Variants in PDSS2 observed in about 807,000 individuals in gnomAD.
The protein encoded by PDSS2 is decaprenyl diphosphate synthase subunit 2, also known as all trans-polyprenyl-diphosphate synthase PDSS2.
A neutral mutation model predicts 44.5 loss-of-function variants in PDSS2; 31 were observed. The observed-to-expected ratio is 0.70, with a 90% CI of 0.52 to 0.94. The LOEUF is 0.94. Ranked by LOEUF, PDSS2 falls within the 40% of genes least tolerant of loss-of-function variation. The pLI, the probability that PDSS2 is intolerant of heterozygous loss-of-function variation, is 0.00. For missense variants in PDSS2, 452 were observed against 482.2 expected (o/e 0.94, Z 0.59); for synonymous variants, 157 against 180.3 (o/e 0.87, Z 1.03).
At chr6:107,376,996 A>C (rs1173537725) in intron 1 of PDSS2, among the ~76,000 whole-genome samples, 1 of 151,598 alleles carries the variant, frequency 6.6e-6, no homozygotes, top group Admixed American at 6.6e-5. Context: ...TTCATGTCTA[A>C]AACACCAAAA....
chr6:107,196,440 A>C (rs1023174735), intron 6 of PDSS2, among the ~76,000 whole-genome samples: 3 of 152,006 alleles, frequency 2.0e-5, no homozygotes, highest in Admixed American at 6.6e-5. Context: ...CTCGCAGCTG[A>C]CTCTTGAATT....
intron 2 of PDSS2, among the ~76,000 whole-genome samples, chr6:107,301,754 GAGTTTGAGACCAGCTTGACCA>G (rs1776701681): frequency 6.6e-6 from 1 of 151,968 alleles, no homozygotes; most frequent in African/African-American, 2.4e-5. Flanking sequence ...ACGAGGTCAA[GAGTTTGAGACCAGCTTGACCA>G]ACATGGTGAA....
intron 1 of PDSS2, among the ~76,000 whole-genome samples, chr6:107,413,436 T>C (rs561020739): frequency 6.6e-6 from 1 of 152,324 alleles, no homozygotes; most frequent in African/African-American, 2.4e-5. Flanking sequence ...CCTGGGAGGC[T>C]GAGGTGGGAG....
chr6:107,154,601 T>C lies in PDSS2; in HGVS notation c.*18A>G. The C allele has an allele frequency of 1.2e-6, 2 of 1,612,962 alleles. No homozygotes were observed. The highest frequency in any genetic ancestry group is 1.7e-6 in the Non-Finnish European group (2 of 1,178,984). On this transcript the variant is annotated 3_prime_UTR_variant, in exon 8 of 8. Transcript: ENST00000369037. ...AGGATTTTCAGCTAACTAACAATAGTGTCTTTTTAATTTGATGTCATGAAA... is the reference window on the plus strand; with the variant it reads ...AGGATTTTCAGCTAACTAACAATAGCGTCTTTTTAATTTGATGTCATGAAA...
At chr6:107,300,903 A>G (rs1460542772) in intron 2 of PDSS2, among the ~76,000 whole-genome samples, 1 of 152,210 alleles carries the variant, frequency 6.6e-6, no homozygotes, top group African/African-American at 2.4e-5. Flanking sequence ...CCCCCCCAAC[A>G]GAAAACTACT....
intron 7 of PDSS2, among the ~76,000 whole-genome samples, chr6:107,170,470 C>T (rs1771525491): frequency 6.6e-6 from 1 of 152,186 alleles, no homozygotes; most frequent in Non-Finnish European, 1.5e-5. Context: ...GCTCGGTGCA[C>T]TGCACCCACT....
In PDSS2 at chr6:107,449,871, C is replaced by T. The variant is rs1055204363; in HGVS notation, c.296+9119G>A. On this transcript the variant is annotated intron_variant, in intron 1 of 7. Coordinates refer to ENST00000369037, the MANE Select transcript of PDSS2 (RefSeq NM_020381.4). ...CAGGCATGAGCCACTGTGCCTGGTC[C>T]CTCCTTGTTTTTTAAGGCTGAATAA... Among the ~76,000 whole-genome samples, 6 of 152,068 alleles carry T rather than the reference C, an allele frequency of 3.9e-5. No individual in the cohort carries two copies. In the East Asian group the frequency reaches 9.6e-4, roughly 24 times the overall value.
At chr6:107,362,722 GC>G (rs772470560) in intron 1 of PDSS2, among the ~76,000 whole-genome samples, 4 of 152,118 alleles carry the variant, frequency 2.6e-5, no homozygotes, top group Non-Finnish European at 5.9e-5. Context: ...GATATTATAA[GC>G]AAAGGGTTCA....
At chr6:107,210,864 G>T (rs1056490003) in intron 5 of PDSS2, among the ~76,000 whole-genome samples, 1 of 151,274 alleles carries the variant, frequency 6.6e-6, no homozygotes, top group Non-Finnish European at 1.5e-5. Context: ...ATTGGGGGGG[G>T]TTTGCACACA....
intron 1 of PDSS2, among the ~76,000 whole-genome samples, chr6:107,454,469 T>C (rs982054335): frequency 1.3e-5 from 2 of 152,244 alleles, no homozygotes; most frequent in African/African-American, 2.4e-5. Flanking sequence ...ATGAGCTAAA[T>C]GCTCCTCTAT....
intron 1 of PDSS2, among the ~76,000 whole-genome samples, chr6:107,429,701 A>G (rs1781110097): frequency 6.6e-6 from 1 of 151,434 alleles, no homozygotes; most frequent in African/African-American, 2.4e-5. Flanking sequence ...CCTGACCAAC[A>G]TGGAGAAACC....
chr6:107,350,907 T>A (rs911469819), intron 1 of PDSS2, among the ~76,000 whole-genome samples: 3 of 152,026 alleles, frequency 2.0e-5, no homozygotes, highest in African/African-American at 7.2e-5. Flanking sequence ...CCACATTTAG[T>A]GAAATAATAA....
At chr6:107,420,015 G>C (rs1205277205) in intron 1 of PDSS2, among the ~76,000 whole-genome samples, 1 of 152,140 alleles carries the variant, frequency 6.6e-6, no homozygotes, top group Non-Finnish European at 1.5e-5. Flanking sequence ...CGAAGTCCCT[G>C]ACAACAGTGG....
intron 1 of PDSS2, among the ~76,000 whole-genome samples, chr6:107,362,879 A>C (rs776148536): frequency 6.6e-6 from 1 of 152,232 alleles, no homozygotes; most frequent in Non-Finnish European, 1.5e-5. Context: ...AAAGTTTAAT[A>C]ACTGAAATGA....
intron 1 of PDSS2, among the ~76,000 whole-genome samples, chr6:107,442,745 C>A (rs1451454931): frequency 1.3e-5 from 2 of 152,148 alleles, no homozygotes; most frequent in Non-Finnish European, 2.9e-5. Context: ...TATTCTTCTT[C>A]TGTTCTTTCA....
At chr6:107,375,348 TAAAG>T (rs980809752) in intron 1 of PDSS2, among the ~76,000 whole-genome samples, 12 of 151,916 alleles carry the variant, frequency 7.9e-5, no homozygotes, top group Admixed American at 3.9e-4. Flanking sequence ...GATTATGAAA[TAAAG>T]AAAGAAGACA....
In PDSS2 at chr6:107,361,806, C is replaced by T. The variant is rs959633840; in HGVS notation, c.297-27474G>A. 3.9e-5 allele frequency among the ~76,000 whole-genome samples: 6 copies of T among 152,310 alleles called. No individual in the cohort carries two copies. The South Asian group carries it at 1.2e-3, about 32-fold the overall frequency. ...TAATTTGAGCACTCTGCAATCCAAC[C>T]ACTTCATTAGAACTGCTGAACTTCA... On this transcript the variant is annotated intron_variant, in intron 1 of 7. Transcript: ENST00000369037.
chr6:107,397,080 C>A (rs1779971429), intron 1 of PDSS2, among the ~76,000 whole-genome samples: 1 of 151,866 alleles, frequency 6.6e-6, no homozygotes, highest in Non-Finnish European at 1.5e-5. Flanking sequence ...CTTCTATTTT[C>A]AAAAATCTCA....
At chr6:107,243,711 G>A (rs1412779579) in intron 4 of PDSS2, among the ~76,000 whole-genome samples, 12 of 152,184 alleles carry the variant, frequency 7.9e-5, no homozygotes, top group Admixed American at 7.9e-4. Context: ...CGGGTACGGG[G>A]AAGTGCTGGG....
Sources: gnomAD v4.1 joint callset for allele counts (sites outside exome capture counted in the v4.1 genomes callset) on GRCh38, gnomAD v4.1.1 for gene constraint, MANE v1.5 for transcripts, NCBI Gene and HGNC (gene_info 2026-07-23, HGNC 2026-07-21) for gene names.